RAMP3: variants seen among roughly 807,000 people sequenced by gnomAD.
RAMP3 encodes the protein receptor activity-modifying protein 3.
RAMP3 carries 14 observed loss-of-function variants against 13.5 expected under a neutral mutation model. The ratio of observed to expected loss-of-function variants is 1.04; its 90% confidence interval spans 0.69 to 1.63. The LOEUF is 1.63. Ranked by LOEUF, RAMP3 falls within the 40% of genes most tolerant of loss-of-function variation. The probability of loss-of-function intolerance (pLI) is 0.00; values close to 1 mark genes in which losing one functional copy is unlikely to be tolerated. For synonymous variants in RAMP3, 106 were observed against 88.3 expected (o/e 1.20, Z -1.12); for missense variants, 200 against 204.8 (o/e 0.98, Z 0.14).
intron 2 of RAMP3, among the ~76,000 whole-genome samples, chr7:45,179,630 G>GGA: frequency 1.3e-5 from 2 of 152,346 alleles, no homozygotes; most frequent in African/African-American, 4.8e-5. Context: ...CCCAGGAATA[G>GGA]GAGAGAGAGA....
intron 2 of RAMP3, among the ~76,000 whole-genome samples, chr7:45,177,851 C>T (rs1043762059): frequency 1.3e-5 from 2 of 152,236 alleles, no homozygotes; most frequent in African/African-American, 4.8e-5. Flanking sequence ...TTTAGGAATC[C>T]TCCCCATGCC....
chr7:45,158,636 C>A (rs982871655), intron 1 of RAMP3, among the ~76,000 whole-genome samples: 3 of 151,820 alleles, frequency 2.0e-5, no homozygotes, highest in African/African-American at 4.9e-5. Flanking sequence ...GGGCTGGGGT[C>A]CACTGAGTGG....
intron 1 of RAMP3, among the ~76,000 whole-genome samples, chr7:45,174,784 G>C (rs888316755): frequency 1.1e-4 from 17 of 152,276 alleles, no homozygotes; most frequent in African/African-American, 3.1e-4. Flanking sequence ...GTTGGACTGA[G>C]ATCCCTGTGT....
chr7:45,163,909 A>G (rs3779398), intron 1 of RAMP3: 220,502 of 983,660 alleles, frequency 0.22, 26,635 homozygotes, highest in African/African-American at 0.44. Context: ...GTCCTGGCTG[A>G]TGCTTGCCCA....
In RAMP3 at chr7:45,177,313, G is replaced by A. The variant is rs142688897; in HGVS notation, c.63G>A (p.Gly21=). The A allele has an allele frequency of 1.5e-5, 24 of 1,614,108 alleles. No individual in the cohort carries two copies. The African/African-American group carries it at 2.9e-4, about 20-fold the overall frequency. ...LLPLLLLLCG[G]CPRAGGCNET... is the part of the protein sequence containing the mutation. ...TTATGGCTGTCCCCTCTCCAGGTGG[G>A]TGTCCCAGAGCAGGCGGCTGCAACG... Residue 21 remains glycine (G), a synonymous_variant, in exon 2 of 3, where the codon GGG becomes GGA. Coordinates refer to ENST00000242249, the MANE Select transcript of RAMP3 (RefSeq NM_005856.3).
chr7:45,170,527 TG>T (rs1786059754), intron 1 of RAMP3, among the ~76,000 whole-genome samples: 1 of 152,112 alleles, frequency 6.6e-6, no homozygotes, highest in African/African-American at 2.4e-5. Context: ...TTACTAGAGA[TG>T]GGGTTTCACT....
At chr7:45,173,262 C>T (rs1270967261) in intron 1 of RAMP3, among the ~76,000 whole-genome samples, 8 of 152,182 alleles carry the variant, frequency 5.3e-5, no homozygotes, top group East Asian at 1.9e-4. Context: ...TTTGTCCAGA[C>T]GTCTGCCATA....
intron 1 of RAMP3, among the ~76,000 whole-genome samples, chr7:45,161,822 T>G (rs1354449550): frequency 2.6e-5 from 4 of 151,478 alleles, no homozygotes; most frequent in Non-Finnish European, 5.9e-5. Context: ...GGGGTCCAGG[T>G]GGACCAGGCT....
At chr7:45,177,488 CCCACTGCCCAA>C (rs1280477287) in intron 2 of RAMP3, 47 bp downstream of exon 2, 2 of 1,609,942 alleles carry the variant, frequency 1.2e-6, no homozygotes, top group Non-Finnish European at 1.7e-6. Context: ...CACAGCGCTG[CCCACTGCCCAA>C]CCACTGCCTG....
At chr7:45,159,879 GTGTGTGTGCC>G (rs1049537791) in intron 1 of RAMP3, among the ~76,000 whole-genome samples, 1 of 152,202 alleles carries the variant, frequency 6.6e-6, no homozygotes, top group Admixed American at 6.5e-5. Flanking sequence ...GAGCACCATA[GTGTGTGTGCC>G]TGTGTGTGCA....
chr7:45,183,227 CT>C lies in RAMP3; in HGVS notation c.263del (p.Leu88ArgfsTer35). 6.2e-7 allele frequency: 1 copy of C among 1,613,914 alleles called. No individual in the cohort carries two copies. Among genetic ancestry groups the C allele is most frequent in the Non-Finnish European group, 8.5e-7 (1 of 1,180,022 alleles). On this transcript the variant is annotated frameshift_variant, in exon 3 of 3. Transcript: ENST00000242249. LOFTEE classifies it high-confidence loss of function. ...NVVGCYWPNPLAQGFITGIHR... is the reference protein window; with the variant it reads ...NVVGCYWPNPXAQGFITGIHR... ...CGTGGGCTGCTACTGGCCCAACCCCCTGGCCCAGGGCTTCATCACCGGCATC... is the reference window on the plus strand; with the variant it reads ...CGTGGGCTGCTACTGGCCCAACCCCCGGCCCAGGGCTTCATCACCGGCATC...
At position 45,183,510 on chromosome 7, in the gene RAMP3, T is replaced by C. The variant is rs1454341142; in HGVS notation, c.*98T>C. On this transcript the variant is annotated 3_prime_UTR_variant, in exon 3 of 3. Transcript: ENST00000242249. Reference sequence around the variant, plus strand: ...GGGTGCTGCCAATCTCCAGCTACTGTGGCCACACCCCACCTGGTCATGGGC... The same window carrying C: ...GGGTGCTGCCAATCTCCAGCTACTGCGGCCACACCCCACCTGGTCATGGGC... 8 of 1,520,982 alleles carry C rather than the reference T, an allele frequency of 5.3e-6. No individual in the cohort carries two copies. The highest frequency in any genetic ancestry group is 7.1e-6 in the Non-Finnish European group (8 of 1,122,024). The allele number at this position is 1,520,982 out of a possible 1,614,324, so 94.2% of individuals were successfully genotyped here.
chr7:45,168,014 G>GTA (rs1452925683), intron 1 of RAMP3, among the ~76,000 whole-genome samples: 10 of 152,194 alleles, frequency 6.6e-5, no homozygotes, highest in Non-Finnish European at 1.5e-4. Context: ...CATTGAGTTT[G>GTA]TATATCACTT....
At chr7:45,182,794 C>T (rs773519748) in intron 2 of RAMP3, among the ~76,000 whole-genome samples, 10 of 152,234 alleles carry the variant, frequency 6.6e-5, no homozygotes, top group Non-Finnish European at 8.8e-5. Context: ...CAGGTCCAAG[C>T]GGCTGTGATC....
chr7:45,176,019 T>C (rs140274124), intron 1 of RAMP3, among the ~76,000 whole-genome samples: 27 of 152,304 alleles, frequency 1.8e-4, no homozygotes, highest in South Asian at 6.2e-4. Flanking sequence ...AAGATCAGAC[T>C]CTGAAATGCT....
Position 45,183,164 on chromosome 7 carries a change from G to T in RAMP3, c.199G>T (p.Glu67Ter). The change falls in exon 3 of 3, where the codon GAG (glutamate) becomes TAG (stop). Residue 67 changes from glutamate (E) to a stop codon, truncating the protein, a stop_gained. Coordinates refer to ENST00000242249, the MANE Select transcript of RAMP3 (RefSeq NM_005856.3). LOFTEE classifies it high-confidence loss of function. ...CNLSEFIVYY[E>*]SFTNCTEMEA... Reference sequence around the variant, plus strand: ...CCCCCTCTGCTTTTGCAGGTACTATGAGAGTTTCACCAACTGCACCGAGAT... The same window carrying T: ...CCCCCTCTGCTTTTGCAGGTACTATTAGAGTTTCACCAACTGCACCGAGAT... The T allele has an allele frequency of 6.2e-7, 1 of 1,611,172 alleles. No individual in the cohort carries two copies. Among genetic ancestry groups the T allele is most frequent in the South Asian group, 1.1e-5 (1 of 91,068 alleles).
chr7:45,159,973 A>G (rs1785831962), intron 1 of RAMP3, among the ~76,000 whole-genome samples: 1 of 152,164 alleles, frequency 6.6e-6, no homozygotes, highest in African/African-American at 2.4e-5. Flanking sequence ...GGTCATATTG[A>G]TTCTACTGAA....
chr7:45,163,797 C>A, intron 1 of RAMP3: 1 of 985,368 alleles, frequency 1.0e-6, no homozygotes, highest in Non-Finnish European at 1.2e-6. Flanking sequence ...TGGCTCCGTG[C>A]CAGTGGGGCA....
At position 45,157,806 on chromosome 7, in the gene RAMP3, G is replaced by C; in HGVS notation, c.-23G>C. The C allele has an allele frequency of 6.9e-7, 1 of 1,438,916 alleles. No homozygotes were observed. Among genetic ancestry groups the C allele is most frequent in the East Asian group, 3.0e-5 (1 of 33,110 alleles). 89.1% of individuals were successfully genotyped at this position (1,438,916 alleles called of 1,614,324 possible). On this transcript the variant is annotated 5_prime_UTR_variant, in exon 1 of 3. Transcript: ENST00000242249. ...CCGCGCCCCCAGCGGGACCGAGCGT[G>C]ACCCAGCTGCGGCCGGCCAGCCATG...
Sources: allele counts gnomAD v4.1 joint callset (sites outside exome capture counted in the v4.1 genomes callset), GRCh38; gene constraint gnomAD v4.1.1; transcripts MANE v1.5; gene names NCBI Gene and HGNC (gene_info 2026-07-23, HGNC 2026-07-21).